The following NT5DC1 variants were observed in gnomAD, a reference collection of about 807,000 sequenced individuals.
NT5DC1 encodes the protein 5'-nucleotidase domain-containing protein 1.
Under a neutral mutation model 59.4 loss-of-function variants are expected in NT5DC1, and 42 were observed. That is an observed-to-expected ratio of 0.71 (90% confidence interval 0.55 to 0.92). NT5DC1 has a LOEUF of 0.92. NT5DC1 is among the 40% of genes least tolerant of loss of function. The probability of loss-of-function intolerance (pLI) is 0.00; values close to 1 mark genes in which losing one functional copy is unlikely to be tolerated. For missense variants in NT5DC1, 501 were observed against 537.1 expected (o/e 0.93, Z 0.66); for synonymous variants, 172 against 188.1 (o/e 0.91, Z 0.70).
At chr6:116,241,441 T>A (rs1341835868) in intron 11 of NT5DC1, among the ~76,000 whole-genome samples, 1 of 152,142 alleles carries the variant, frequency 6.6e-6, no homozygotes, top group African/African-American at 2.4e-5. Flanking sequence ...GCAGCAAAAA[T>A]TAACATGTTC....
chr6:116,165,098 GAAAAA>G (rs71554841), intron 6 of NT5DC1, among the ~76,000 whole-genome samples: 6 of 101,072 alleles, frequency 5.9e-5, no homozygotes, highest in African/African-American at 1.6e-4. Flanking sequence ...CTCCGTCTCA[GAAAAA>G]AAAAAAAAAA....
At chr6:116,113,942 C>T (rs747533508) in intron 4 of NT5DC1, among the ~76,000 whole-genome samples, 1 of 152,160 alleles carries the variant, frequency 6.6e-6, no homozygotes, top group Admixed American at 6.5e-5. Flanking sequence ...ATTAATGAAC[C>T]TTGGGAAGCT....
intron 6 of NT5DC1, among the ~76,000 whole-genome samples, chr6:116,176,990 CTGAAT>C (rs1347186853): frequency 6.6e-6 from 1 of 152,050 alleles, no homozygotes; most frequent in East Asian, 1.9e-4. Context: ...CTTTATCTTA[CTGAAT>C]TGAAGACTAG....
chr6:116,145,221 A>G (rs1414593455), intron 6 of NT5DC1, among the ~76,000 whole-genome samples: 4 of 152,178 alleles, frequency 2.6e-5, no homozygotes, highest in Non-Finnish European at 5.9e-5. Context: ...GATAACAGCT[A>G]ACTATTAAAT....
intron 6 of NT5DC1, among the ~76,000 whole-genome samples, chr6:116,213,759 A>C (rs1781634033): frequency 6.6e-6 from 1 of 152,136 alleles, no homozygotes; most frequent in African/African-American, 2.4e-5. Context: ...TGTAACAGGC[A>C]CAGGATCCTG....
At chr6:116,241,965 A>T (rs1771740312) in intron 11 of NT5DC1, among the ~76,000 whole-genome samples, 1 of 147,790 alleles carries the variant, frequency 6.8e-6, no homozygotes. Context: ...AAAAACAAAG[A>T]ATCAGCAAGA....
chr6:116,123,913 T>TA (rs1779212782), intron 6 of NT5DC1, among the ~76,000 whole-genome samples: 1 of 152,240 alleles, frequency 6.6e-6, no homozygotes, highest in Non-Finnish European at 1.5e-5. Flanking sequence ...GTTATGCTCT[T>TA]ATTAAGGTGT....
intron 6 of NT5DC1, chr6:116,145,422 C>A: frequency 2.8e-6 from 1 of 358,904 alleles, no homozygotes; most frequent in South Asian, 2.2e-5. Flanking sequence ...TTTTTCTGTT[C>A]TTTATTATCT....
At chr6:116,121,269 G>C in intron 6 of NT5DC1, 1 of 1,613,932 alleles carries the variant, frequency 6.2e-7, no homozygotes, top group South Asian at 1.1e-5. Flanking sequence ...GCCCCAGGGA[G>C]ACCTTTTGTT....
At chr6:116,112,107 A>C (rs553184289) in intron 4 of NT5DC1, among the ~76,000 whole-genome samples, 2 of 152,198 alleles carry the variant, frequency 1.3e-5, no homozygotes, top group African/African-American at 4.8e-5. Context: ...TGTTTCGCCC[A>C]CTAGAGAGCG....
At chr6:116,219,866 G>A (rs1781760132) in intron 6 of NT5DC1, among the ~76,000 whole-genome samples, 3 of 150,098 alleles carry the variant, frequency 2.0e-5, no homozygotes, top group South Asian at 2.1e-4. Flanking sequence ...GGAGGCTAAG[G>A]CAGGAGAATC....
At chr6:116,121,956 C>T (rs760982462) in intron 6 of NT5DC1, 1 of 1,611,964 alleles carries the variant, frequency 6.2e-7, no homozygotes, top group South Asian at 1.1e-5. Flanking sequence ...CCTCTTACTG[C>T]TATACCTAAA....
intron 6 of NT5DC1, among the ~76,000 whole-genome samples, chr6:116,152,692 CT>C (rs1780076501): frequency 6.6e-6 from 1 of 152,090 alleles, no homozygotes; most frequent in African/African-American, 2.4e-5. Flanking sequence ...ATCTTCTCTT[CT>C]TTTTTCCTCC....
rs368100286 is a variant in NT5DC1, at chr6:116,120,790, T to C, written c.529+2845T>C. The C allele has an allele frequency of 1.2e-6, 2 of 1,613,562 alleles. No homozygotes were observed. Among genetic ancestry groups the C allele is most frequent in the Non-Finnish European group, 1.7e-6 (2 of 1,179,862 alleles). On this transcript the variant is annotated intron_variant, in intron 6 of 11. Coordinates refer to ENST00000319550, the MANE Select transcript of NT5DC1 (RefSeq NM_152729.3). ...TAGTACCTGGTATTCCAGGGGCACC[T>C]CTTGGGCCAGCCTCTCCATTGTGTC...
chr6:116,105,619 C>G (rs891192589), intron 1 of NT5DC1, among the ~76,000 whole-genome samples: 3 of 152,136 alleles, frequency 2.0e-5, no homozygotes, highest in Non-Finnish European at 2.9e-5. Flanking sequence ...AAAAACCTAG[C>G]ATTTTTTGTT....
At chr6:116,149,268 T>C (rs1464891584) in intron 6 of NT5DC1, among the ~76,000 whole-genome samples, 1 of 152,226 alleles carries the variant, frequency 6.6e-6, no homozygotes, top group Non-Finnish European at 1.5e-5. Flanking sequence ...ATTAAGAATT[T>C]TTAAAATAAT....
rs148872507 is a variant in NT5DC1 at position 116,100,888 on chromosome 6, A to T, written c.-43A>T. The T allele has an allele frequency of 2.5e-3, 3,728 of 1,488,794 alleles. 67 individuals carry two copies. The South Asian group carries it at 0.026, about 11-fold the overall frequency. The allele number at this position is 1,488,794 out of a possible 1,614,324, so 92.2% of individuals were successfully genotyped here. A position where few individuals can be genotyped will look rare whatever the true frequency, so the allele number is the denominator to read the frequency against. On this transcript the variant is annotated 5_prime_UTR_variant, in exon 1 of 12. Transcript: ENST00000319550. ...AGCGTCCCGCCAGCCAGCTCCTTGC[A>T]CCCTTCGCGGCCGAGGCGCTCCCTG...
intron 8 of NT5DC1, among the ~76,000 whole-genome samples, chr6:116,232,073 T>C (rs965191794): frequency 6.6e-6 from 1 of 152,186 alleles, no homozygotes; most frequent in African/African-American, 2.4e-5. Flanking sequence ...CTTCTTGGTT[T>C]GTAGATGGTT....
At chr6:116,119,927 G>A in intron 6 of NT5DC1, 2 of 769,662 alleles carry the variant, frequency 2.6e-6, no homozygotes, top group Non-Finnish European at 4.4e-6. Flanking sequence ...TCAGGGGGAA[G>A]GTTTGTTGGT....
Sources: allele counts gnomAD v4.1 joint callset (sites outside exome capture counted in the v4.1 genomes callset), GRCh38; gene constraint gnomAD v4.1.1; transcripts MANE v1.5; gene names NCBI Gene and HGNC (gene_info 2026-07-23, HGNC 2026-07-21).